The following INTS1 variants were observed in gnomAD, a reference collection of about 807,000 sequenced individuals.
INTS1 encodes the protein integrator complex subunit 1.
Under a neutral mutation model 241.6 loss-of-function variants are expected in INTS1, and 137 were observed. That is an observed-to-expected ratio of 0.57 (90% confidence interval 0.49 to 0.65). The LOEUF is 0.65. INTS1 is among the 30% of genes least tolerant of loss of function. The probability of loss-of-function intolerance (pLI) is 0.00; values close to 1 mark genes in which losing one functional copy is unlikely to be tolerated. For missense variants in INTS1, 3,073 were observed against 3,032.2 expected (o/e 1.01, Z -0.32); for synonymous variants, 1,692 against 1,337.8 (o/e 1.26, Z -5.78).
At chr7:1,498,218 C>T (rs1016352610) in intron 10 of INTS1, 194 bp downstream of exon 10, 67 of 770,412 alleles carry the variant, frequency 8.7e-5, no homozygotes, top group Admixed American at 6.2e-4. Flanking sequence ...AGACGCTGGG[C>T]GCTGTGGCTG....
chr7:1,475,606 A>G (rs1562486844), intron 39 of INTS1, among the ~76,000 whole-genome samples: 1 of 151,994 alleles, frequency 6.6e-6, no homozygotes. Flanking sequence ...GTCCGCCAAG[A>G]CCCGGGCACG....
chr7:1,495,993 G>A (rs1583152965), intron 12 of INTS1, among the ~76,000 whole-genome samples, 163 bp downstream of exon 12: 2 of 152,190 alleles, frequency 1.3e-5, no homozygotes, highest in Admixed American at 1.3e-4. Flanking sequence ...GGATGGACAG[G>A]AACGGGGACG....
chr7:1,480,337 GGTC>G lies in INTS1; in HGVS notation c.4051_4053del (p.Asp1351del), dbSNP rs1156827440. On this transcript the variant is annotated inframe_deletion, in exon 30 of 48. Coordinates refer to ENST00000404767, the MANE Select transcript of INTS1 (RefSeq NM_001080453.3). ...GCTACCTGGAGGAACATGCCAGCCAGGTCGTCCTCAGGGCCCAGCACCCGGAGC... is the reference window on the plus strand; with the variant it reads ...GCTACCTGGAGGAACATGCCAGCCAGGTCCTCAGGGCCCAGCACCCGGAGC... 1.2e-6 allele frequency: 2 copies of G among 1,609,636 alleles called. No individual in the cohort carries two copies. The highest frequency in any genetic ancestry group is 2.7e-5 in the African/African-American group (2 of 74,862).
intron 9 of INTS1, 33 bp downstream of exon 9, chr7:1,498,674 C>T (rs368893907): frequency 5.2e-5 from 80 of 1,543,932 alleles, no homozygotes; most frequent in Admixed American, 1.4e-4. Context: ...CCACTCCACC[C>T]GCACCCCCGC....
chr7:1,479,294 T>A, intron 31 of INTS1, 136 bp downstream of exon 31: 1 of 1,087,220 alleles, frequency 9.2e-7, no homozygotes, highest in Non-Finnish European at 1.3e-6. Context: ...CGCCACTCCC[T>A]GGGGCACTGT....
chr7:1,501,610 A>C (rs1033228974), intron 3 of INTS1, among the ~76,000 whole-genome samples: 1 of 152,192 alleles, frequency 6.6e-6, no homozygotes, highest in African/African-American at 2.4e-5. Flanking sequence ...GTAGTGCTAA[A>C]GATAAATAAA....
chr7:1,503,080 C>A lies in INTS1; in HGVS notation c.170G>T (p.Arg57Leu). ...KPAPSGLPSE[R>L]KRDAAAALSS... ...CAACGCGGCCGCCGCATCCCGCTTGCGCTCAGAAGGCAGGCCGGAAGGGGC... is the reference window on the plus strand; with the variant it reads ...CAACGCGGCCGCCGCATCCCGCTTGAGCTCAGAAGGCAGGCCGGAAGGGGC... The change falls in exon 3 of 48, where the codon CGC becomes CTC. Residue 57 changes from arginine to leucine, a missense_variant. Arg to Leu is a moderately radical substitution (Grantham distance 102). Coordinates refer to ENST00000404767, the MANE Select transcript of INTS1 (RefSeq NM_001080453.3). 1 of 1,612,486 alleles carries A rather than the reference C, an allele frequency of 6.2e-7. No homozygotes were observed. The highest frequency in any genetic ancestry group is 1.3e-5 in the African/African-American group (1 of 75,034).
At chr7:1,477,375 AG>A (rs890372089) in intron 35 of INTS1, among the ~76,000 whole-genome samples, 174 bp downstream of exon 35, 1 of 151,998 alleles carries the variant, frequency 6.6e-6, no homozygotes, top group African/African-American at 2.4e-5. Context: ...GGGTTCTGCT[AG>A]GGCCATTGGG....
Position 1,498,567 on chromosome 7 carries a change from G to T in INTS1, c.1284-14C>A. The T allele has an allele frequency of 6.2e-7, 1 of 1,613,060 alleles. No individual in the cohort carries two copies. The highest frequency in any genetic ancestry group is 8.5e-7 in the Non-Finnish European group (1 of 1,179,782). ...CTCAGCAGCTCCCTGGGTGAGGTGA[G>T]GGTACAGACCCTGTCCCCGCTACGC... On this transcript the variant is annotated splice_polypyrimidine_tract_variant and intron_variant, in intron 9 of 47. Transcript: ENST00000404767.
chr7:1,502,044 C>T (rs1245540890), intron 3 of INTS1, among the ~76,000 whole-genome samples: 1 of 152,166 alleles, frequency 6.6e-6, no homozygotes, highest in Non-Finnish European at 1.5e-5. Flanking sequence ...TGCACTGCAG[C>T]AGCCTGGTCC....
In INTS1 at chr7:1,486,755, T is replaced by C. The variant is rs1163169432; in HGVS notation, c.2846A>G (p.Gln949Arg). The C allele has an allele frequency of 1.2e-6, 2 of 1,612,322 alleles. No homozygotes were observed. Among genetic ancestry groups the C allele is most frequent in the Non-Finnish European group, 1.7e-6 (2 of 1,179,702 alleles). The change falls in exon 22 of 48, where the codon CAG becomes CGG. Residue 949 changes from glutamine to arginine, a missense_variant. Transcript: ENST00000404767. ...KKRQRQQKQR[Q>R]LLGRLQDLLL... Reference sequence around the variant, plus strand: ...CAGGTCCTGCAGGCGGCCCAGCAGCTGCCGCTGCTTCTGTTGCCTCTGCAG... The same window carrying C: ...CAGGTCCTGCAGGCGGCCCAGCAGCCGCCGCTGCTTCTGTTGCCTCTGCAG...
At chr7:1,484,282 G>C (rs1037223788) in intron 24 of INTS1, 112 bp from the exon 25 acceptor site, 6 of 1,141,914 alleles carry the variant, frequency 5.3e-6, no homozygotes, top group Admixed American at 2.3e-5. Flanking sequence ...CAGGGCCCGC[G>C]GCACCGCAGA....
In INTS1 at chr7:1,485,220, C is replaced by G. The variant is rs1782196745; in HGVS notation, c.3157-18G>C. The G allele has an allele frequency of 6.3e-7, 1 of 1,599,280 alleles. No homozygotes were observed. Among genetic ancestry groups the G allele is most frequent in the Non-Finnish European group, 8.5e-7 (1 of 1,178,854 alleles). ...TGGATTGCCTGGAGGGGAGGGTGGTCTGAGCGGCAACAGGGCAGGGCTGCG... is the reference window on the plus strand; with the variant it reads ...TGGATTGCCTGGAGGGGAGGGTGGTGTGAGCGGCAACAGGGCAGGGCTGCG... On this transcript the variant is annotated intron_variant, in intron 23 of 47. Transcript: ENST00000404767.
At chr7:1,498,079 A>G (rs904932172) in intron 10 of INTS1, among the ~76,000 whole-genome samples, 2 of 152,126 alleles carry the variant, frequency 1.3e-5, no homozygotes, top group Admixed American at 6.5e-5. Context: ...CTTACTATCC[A>G]AAGGCAGGAA....
rs376104345 is a variant in INTS1 at position 1,498,800 on chromosome 7, G to A, written c.1190C>T (p.Thr397Met). ...GACGTCCATGTCTTCGGAACCGTGCGTGTTGCAGTTCATGCAGACGGACAT... is the reference window on the plus strand; with the variant it reads ...GACGTCCATGTCTTCGGAACCGTGCATGTTGCAGTTCATGCAGACGGACAT... Reference protein sequence around the residue: ...LLMSVCMNCNTHGSEDMDVIS... With the variant: ...LLMSVCMNCNMHGSEDMDVIS... Residue 397 changes from threonine (T) to methionine (M), a missense_variant, in exon 9 of 48, where the codon ACG (threonine) becomes ATG (methionine). Physicochemically the swap from Thr to Met is moderately conservative, Grantham distance 81. Transcript: ENST00000404767. The A allele has an allele frequency of 1.1e-5, 18 of 1,603,704 alleles. No homozygotes were observed. Among genetic ancestry groups the A allele is most frequent in the South Asian group, 7.9e-5 (7 of 88,530 alleles).
At chr7:1,494,293 G>A (rs1782738361) in intron 14 of INTS1, among the ~76,000 whole-genome samples, 1 of 152,248 alleles carries the variant, frequency 6.6e-6, no homozygotes, top group African/African-American at 2.4e-5. Context: ...CTGACCGGAA[G>A]GCCGCAGTGA....
intron 47 of INTS1, 54 bp from the exon 48 acceptor site, chr7:1,470,746 A>G (rs1263569464): frequency 1.6e-5 from 23 of 1,482,522 alleles, no homozygotes; most frequent in Non-Finnish European, 2.0e-5. Context: ...TCCTGGCCGC[A>G]GTGACCAGAC....
chr7:1,480,588 C>G, intron 29 of INTS1, 147 bp from the exon 30 acceptor site: 1 of 907,418 alleles, frequency 1.1e-6, no homozygotes, highest in Non-Finnish European at 1.6e-6. Context: ...CCCAAGGACC[C>G]CAGGTCTCGC....
intron 14 of INTS1, among the ~76,000 whole-genome samples, chr7:1,494,186 C>G (rs1049103388): frequency 6.6e-6 from 1 of 152,238 alleles, no homozygotes; most frequent in Admixed American, 6.5e-5. Flanking sequence ...ACAACCACCA[C>G]ACGGAGACTC....
Sources: allele counts gnomAD v4.1 joint callset (sites outside exome capture counted in the v4.1 genomes callset), GRCh38; gene constraint gnomAD v4.1.1; transcripts MANE v1.5; gene names NCBI Gene and HGNC (gene_info 2026-07-23, HGNC 2026-07-21).